Variants in DOCK3 observed in about 807,000 individuals in gnomAD.
The protein encoded by DOCK3 is dedicator of cytokinesis protein 3.
Under a neutral mutation model 265.6 loss-of-function variants are expected in DOCK3, and 60 were observed. That is an observed-to-expected ratio of 0.23 (90% CI 0.18 to 0.28). The LOEUF is 0.28. Among genes scored for constraint, DOCK3 ranks in the 10% least tolerant of loss-of-function variants. DOCK3 has a pLI of 1.00. For synonymous variants in DOCK3, 881 were observed against 938.0 expected (o/e 0.94, Z 1.11); for missense variants, 1,981 against 2,594.3 (o/e 0.76, Z 5.14).
At chr3:50,889,066 G>GGTGTGTGTGTGTGT (rs36180907) in intron 3 of DOCK3, among the ~76,000 whole-genome samples, 20 of 134,190 alleles carry the variant, frequency 1.5e-4, no homozygotes, top group African/African-American at 3.6e-4. Flanking sequence ...TTAAGCCATG[G>GGTGTGTGTGTGTGT]GTGTGTGTGT....
intron 3 of DOCK3, among the ~76,000 whole-genome samples, chr3:50,883,321 GAGA>G (rs1052458038): frequency 7.9e-5 from 12 of 152,014 alleles, no homozygotes; most frequent in Non-Finnish European, 1.3e-4. Flanking sequence ...CACGCACAAG[GAGA>G]AGTTTTTTCT....
intron 4 of DOCK3, among the ~76,000 whole-genome samples, chr3:50,928,801 A>T (rs1055774081): frequency 7.2e-5 from 11 of 152,138 alleles, no homozygotes; most frequent in African/African-American, 2.7e-4. Context: ...TTGCCTTAAG[A>T]TTTTTCTACT....
intron 40 of DOCK3, among the ~76,000 whole-genome samples, chr3:51,352,040 C>A (rs1249178681): frequency 6.6e-6 from 1 of 152,118 alleles, no homozygotes; most frequent in East Asian, 1.9e-4. Context: ...TTAGAAGTGG[C>A]ATATTTGCTA....
intron 19 of DOCK3, among the ~76,000 whole-genome samples, chr3:51,234,072 T>G (rs1250565436): frequency 1.3e-5 from 2 of 152,204 alleles, no homozygotes; most frequent in African/African-American, 4.8e-5. Context: ...CTCTATACTG[T>G]TTTCCATAAT....
At chr3:51,010,426 G>A (rs989519572) in intron 5 of DOCK3, among the ~76,000 whole-genome samples, 4 of 152,056 alleles carry the variant, frequency 2.6e-5, no homozygotes, top group Non-Finnish European at 5.9e-5. Context: ...TTTTATCAGA[G>A]ACTAAGATTG....
At chr3:50,756,230 A>T (rs540782882) in intron 1 of DOCK3, among the ~76,000 whole-genome samples, 1 of 152,304 alleles carries the variant, frequency 6.6e-6, no homozygotes, top group South Asian at 2.1e-4. Context: ...CCTTACCAAT[A>T]GAGTGTTTCC....
chr3:51,375,666 T>C, intron 50 of DOCK3, 82 bp from the exon 51 acceptor site: 1 of 1,482,702 alleles, frequency 6.7e-7, no homozygotes, highest in East Asian at 2.3e-5. Flanking sequence ...TGTAGTGTCC[T>C]GTCTCTCGTC....
intron 19 of DOCK3, among the ~76,000 whole-genome samples, chr3:51,232,678 G>C (rs2078177227): frequency 6.6e-6 from 1 of 152,040 alleles, no homozygotes; most frequent in Admixed American, 6.6e-5. Flanking sequence ...TATCTTCTTT[G>C]GAGAAATGTC....
intron 5 of DOCK3, among the ~76,000 whole-genome samples, chr3:51,016,573 ATT>A (rs1385449715): frequency 3.3e-5 from 3 of 90,608 alleles, no homozygotes; most frequent in East Asian, 5.7e-4. Flanking sequence ...TTATATATAT[ATT>A]TATATATATC....
At chr3:51,249,335 C>T (rs1311079922) in intron 22 of DOCK3, among the ~76,000 whole-genome samples, 1 of 126,740 alleles carries the variant, frequency 7.9e-6, no homozygotes, top group Non-Finnish European at 1.7e-5. Flanking sequence ...GTGGGGGGTT[C>T]AGGCCCCGCC....
At chr3:50,751,908 C>T (rs2039838920) in intron 1 of DOCK3, among the ~76,000 whole-genome samples, 1 of 152,020 alleles carries the variant, frequency 6.6e-6, no homozygotes. Flanking sequence ...ACCATCAGAT[C>T]TCCTGAAAAC....
intron 22 of DOCK3, among the ~76,000 whole-genome samples, chr3:51,255,127 A>G (rs557478300): frequency 1.3e-5 from 2 of 152,220 alleles, no homozygotes; most frequent in South Asian, 2.1e-4. Context: ...CACTTATGAA[A>G]CTTAGTTTGG....
At chr3:51,274,957 A>T in intron 24 of DOCK3, 122 bp from the exon 25 acceptor site, 1 of 1,169,822 alleles carries the variant, frequency 8.5e-7, no homozygotes, top group South Asian at 1.3e-5. Flanking sequence ...GATTACCTTC[A>T]CTTTTGCTCT....
chr3:51,249,584 A>C (rs1267906874), intron 22 of DOCK3, among the ~76,000 whole-genome samples: 156 of 84,984 alleles, frequency 1.8e-3, no homozygotes, highest in Non-Finnish European at 3.2e-3. Context: ...CCAGCCGCCC[A>C]GTCCGGGAGG....
At chr3:51,053,019 G>A (rs2081049661) in intron 5 of DOCK3, among the ~76,000 whole-genome samples, 1 of 142,386 alleles carries the variant, frequency 7.0e-6, no homozygotes, top group African/African-American at 2.6e-5. Context: ...TGGGGTGGAG[G>A]ATGGAGGAAG....
intron 3 of DOCK3, among the ~76,000 whole-genome samples, chr3:50,849,300 G>T (rs1214518368): frequency 1.3e-5 from 2 of 151,924 alleles, no homozygotes; most frequent in African/African-American, 4.8e-5. Flanking sequence ...CTCCCAAAGT[G>T]CTGGGATTAC....
At chr3:50,912,634 T>C (rs927004009) in intron 4 of DOCK3, among the ~76,000 whole-genome samples, 1 of 152,096 alleles carries the variant, frequency 6.6e-6, no homozygotes, top group Non-Finnish European at 1.5e-5. Context: ...GCTATGTAGT[T>C]GAGCTGTTAC....
chr3:51,212,983 AT>A (rs778947489), intron 13 of DOCK3, among the ~76,000 whole-genome samples: 2 of 151,818 alleles, frequency 1.3e-5, no homozygotes, highest in Non-Finnish European at 2.9e-5. Flanking sequence ...GAGAGTACAA[AT>A]TCCTGGCTAC....
At chr3:51,250,446 C>G (rs2079153498) in intron 22 of DOCK3, among the ~76,000 whole-genome samples, 2 of 152,072 alleles carry the variant, frequency 1.3e-5, no homozygotes, top group African/African-American at 4.8e-5. Context: ...TGATGAAACC[C>G]CATCTCTACT....
Sources: allele counts gnomAD v4.1 joint callset (sites outside exome capture counted in the v4.1 genomes callset), GRCh38; gene constraint gnomAD v4.1.1; transcripts MANE v1.5; gene names NCBI Gene and HGNC (gene_info 2026-07-23, HGNC 2026-07-21).